Variants in COG5 observed in about 807,000 individuals in gnomAD.
The protein encoded by COG5 is conserved oligomeric Golgi complex subunit 5.
In COG5, 86 loss-of-function variants were observed where a neutral mutation model predicts 110.4. That is an observed-to-expected ratio of 0.78 (90% CI 0.65 to 0.93). COG5 has a LOEUF of 0.93. COG5 is among the 40% of genes least tolerant of loss of function. The pLI is 0.00. For missense variants in COG5, 1,077 were observed against 987.0 expected (o/e 1.09, Z -1.22); for synonymous variants, 360 against 334.6 (o/e 1.08, Z -0.83).
intron 11 of COG5, among the ~76,000 whole-genome samples, chr7:107,319,901 T>C (rs1426377110): frequency 6.6e-6 from 1 of 152,102 alleles, no homozygotes; most frequent in African/African-American, 2.4e-5. Context: ...TTCAAGGCTG[T>C]AGCGTGCAAT....
At chr7:107,267,706 A>T (rs1037903496) in intron 14 of COG5, among the ~76,000 whole-genome samples, 6 of 152,162 alleles carry the variant, frequency 3.9e-5, no homozygotes, top group African/African-American at 1.4e-4. Context: ...CAGAATAACT[A>T]AAATCCCAGC....
chr7:107,511,275 A>C (rs1799488082), intron 6 of COG5, among the ~76,000 whole-genome samples: 1 of 152,244 alleles, frequency 6.6e-6, no homozygotes, highest in South Asian at 2.1e-4. Flanking sequence ...ACCTCTACGC[A>C]AATAAACTAG....
At chr7:107,414,237 C>T (rs1045992325) in intron 6 of COG5, among the ~76,000 whole-genome samples, 4 of 152,100 alleles carry the variant, frequency 2.6e-5, no homozygotes, top group African/African-American at 9.7e-5. Context: ...GCATTACTCA[C>T]ATCTTGACAA....
chr7:107,540,604 A>T (rs1454895928), intron 5 of COG5, among the ~76,000 whole-genome samples: 5 of 150,148 alleles, frequency 3.3e-5, no homozygotes, highest in African/African-American at 1.2e-4. Context: ...AATAAAAATT[A>T]AAATTAAATA....
intron 7 of COG5, among the ~76,000 whole-genome samples, chr7:107,404,071 G>A (rs1004797167): frequency 1.3e-5 from 2 of 152,030 alleles, no homozygotes; most frequent in African/African-American, 4.8e-5. Flanking sequence ...AAAAATCACT[G>A]AAGACAATGA....
chr7:107,205,172 T>C (rs934542852), intron 21 of COG5, among the ~76,000 whole-genome samples: 2 of 152,224 alleles, frequency 1.3e-5, no homozygotes, highest in Non-Finnish European at 2.9e-5. Flanking sequence ...CCCTGAAGTA[T>C]TACAGCACTT....
At chr7:107,208,763 C>T (rs1321046624) in intron 21 of COG5, 2 of 985,336 alleles carry the variant, frequency 2.0e-6, no homozygotes, top group African/African-American at 3.5e-5. Context: ...CACACATACG[C>T]CCAGAGGGCC....
intron 14 of COG5, among the ~76,000 whole-genome samples, chr7:107,273,178 T>C (rs1283413992): frequency 6.6e-6 from 1 of 152,182 alleles, no homozygotes; most frequent in Non-Finnish European, 1.5e-5. Context: ...CTTGAGCATG[T>C]TTTGGCCTTA....
At chr7:107,419,847 C>T (rs1424894639) in intron 6 of COG5, among the ~76,000 whole-genome samples, 4 of 152,216 alleles carry the variant, frequency 2.6e-5, no homozygotes, top group Admixed American at 1.3e-4. Flanking sequence ...GGATTACAGG[C>T]GTGAGCCACT....
At chr7:107,514,329 TACACACACACAC>T (rs61351697) in intron 6 of COG5, among the ~76,000 whole-genome samples, 3,094 of 145,724 alleles carry the variant, frequency 0.021, 109 homozygotes, top group African/African-American at 0.071. Flanking sequence ...TGGCCTATTT[TACACACACACAC>T]ACACACACAC....
At chr7:107,422,286 T>C (rs897695468) in intron 6 of COG5, among the ~76,000 whole-genome samples, 2 of 152,176 alleles carry the variant, frequency 1.3e-5, no homozygotes, top group Non-Finnish European at 2.9e-5. Flanking sequence ...ATGAGTATTT[T>C]CCCAGGCTGT....
At chr7:107,304,813 A>G (rs1330300649) in intron 11 of COG5, among the ~76,000 whole-genome samples, 2 of 152,228 alleles carry the variant, frequency 1.3e-5, no homozygotes, top group Non-Finnish European at 2.9e-5. Context: ...AGATGCCCAA[A>G]TACTGGGCAG....
intron 19 of COG5, among the ~76,000 whole-genome samples, chr7:107,220,824 T>A (rs1445540871): frequency 2.7e-5 from 4 of 149,670 alleles, no homozygotes; most frequent in African/African-American, 9.8e-5. Flanking sequence ...TCTTTTTTTT[T>A]TTTTTTTTTT....
At chr7:107,429,598 T>C (rs373816101) in intron 6 of COG5, among the ~76,000 whole-genome samples, 51 of 152,162 alleles carry the variant, frequency 3.4e-4, no homozygotes, top group African/African-American at 8.9e-4. Context: ...GCTCATTTTT[T>C]AGTTGGTGAT....
In COG5 at chr7:107,235,111, G is replaced by T. The variant is rs1024763324; in HGVS notation, c.2091+1339C>A. On this transcript the variant is annotated intron_variant, in intron 18 of 21. Coordinates refer to ENST00000297135, the MANE Select transcript of COG5 (RefSeq NM_006348.5). ...ATGAAAATGACTAACTGCTGCATCA[G>T]TCAATTTGCAATGAAACAGGCTCTT... Among the ~76,000 whole-genome samples the T allele has an allele frequency of 3.3e-5, 5 of 152,212 alleles. No individual in the cohort carries two copies. In the South Asian group the frequency reaches 1.0e-3, roughly 32 times the overall value.
rs1458521850 is a variant in COG5 at position 107,380,086 on chromosome 7, C to T, written c.670-7326G>A. On this transcript the variant is annotated intron_variant, in intron 7 of 21. Transcript: ENST00000297135. The stretch of plus-strand genomic sequence containing the variant: ...ATCCTAACAGTCTCTCAGACCACAG[C>T]GCAATCAAATTAGAACTCAGGATTG... Among the ~76,000 whole-genome samples the T allele has an allele frequency of 2.0e-5, 3 of 152,208 alleles. No homozygotes were observed. The East Asian group carries it at 5.8e-4, about 29-fold the overall frequency.
chr7:107,529,243 A>G (rs1037566824), intron 5 of COG5, among the ~76,000 whole-genome samples: 1 of 152,172 alleles, frequency 6.6e-6, no homozygotes, highest in Non-Finnish European at 1.5e-5. Context: ...TTATTGTTGC[A>G]GGTAGTTAGA....
At chr7:107,356,120 T>C (rs1812605424) in intron 10 of COG5, among the ~76,000 whole-genome samples, 1 of 152,138 alleles carries the variant, frequency 6.6e-6, no homozygotes, top group African/African-American at 2.4e-5. Context: ...ACAATAATTA[T>C]AAAAATTATT....
chr7:107,549,502 C>T (rs950501114), intron 3 of COG5, among the ~76,000 whole-genome samples: 1 of 152,156 alleles, frequency 6.6e-6, no homozygotes, highest in Non-Finnish European at 1.5e-5. Flanking sequence ...CGCCATTCTC[C>T]AGCCTCAGCC....
Sources: allele counts gnomAD v4.1 joint callset (sites outside exome capture counted in the v4.1 genomes callset), GRCh38; gene constraint gnomAD v4.1.1; transcripts MANE v1.5; gene names NCBI Gene and HGNC (gene_info 2026-07-23, HGNC 2026-07-21).